Variants in TXNDC12 observed in about 807,000 individuals in gnomAD.
TXNDC12 encodes the protein thioredoxin domain containing 12, also known as thioredoxin domain-containing protein 12.
In TXNDC12, 22 loss-of-function variants were observed where a neutral mutation model predicts 24.2. That is an observed-to-expected ratio of 0.91 (90% confidence interval 0.65 to 1.30). The LOEUF (loss-of-function observed/expected upper bound fraction) is 1.30. Ranked by LOEUF, TXNDC12 falls within the 50% of genes most tolerant of loss-of-function variation. TXNDC12 has a pLI of 0.00. For synonymous variants in TXNDC12, 58 were observed against 73.4 expected (o/e 0.79, Z 1.07); for missense variants, 184 against 205.8 (o/e 0.89, Z 0.65).
At chr1:52,030,329 T>A (rs1685732664) in intron 2 of TXNDC12, 1 of 151,862 alleles carries the variant, frequency 6.6e-6, no homozygotes. Context: ...TAAAAAAAAA[T>A]AAAAACCCAA....
chr1:52,036,763 T>G (rs1456869251), intron 2 of TXNDC12, among the ~76,000 whole-genome samples: 2 of 152,222 alleles, frequency 1.3e-5, no homozygotes, highest in Non-Finnish European at 2.9e-5. Flanking sequence ...GTGTTTTTCC[T>G]CATCATCTGG....
chr1:52,020,968 C>T lies in TXNDC12; in HGVS notation c.484G>A (p.Ala162Thr). ...KEAQERLTGD[A>T]FRKKHLEDEL Reference sequence around the variant, plus strand: ...TCTTCAAGATGTTTCTTTCTGAAGGCATCACCCGTCAGCCTTTCCTGAGCT... The same window carrying T: ...TCTTCAAGATGTTTCTTTCTGAAGGTATCACCCGTCAGCCTTTCCTGAGCT... Residue 162 changes from alanine to threonine, a missense_variant, in exon 7 of 7, where the codon GCC becomes ACC. Physicochemically the swap from Ala to Thr is moderately conservative, Grantham distance 58 (BLOSUM62 0). Transcript: ENST00000371626. The T allele has an allele frequency of 6.2e-7, 1 of 1,614,108 alleles. No individual in the cohort carries two copies. Among genetic ancestry groups the T allele is most frequent in the Non-Finnish European group, 8.5e-7 (1 of 1,179,960 alleles).
intron 2 of TXNDC12, among the ~76,000 whole-genome samples, chr1:52,038,935 A>G (rs1437805093): frequency 1.8e-5 from 2 of 112,218 alleles, no homozygotes; most frequent in African/African-American, 6.9e-5. Context: ...ATTGGTCCTT[A>G]CGCTGGATTT....
intron 2 of TXNDC12, chr1:52,032,554 G>A (rs1201955715): frequency 7.1e-7 from 1 of 1,406,636 alleles, no homozygotes; most frequent in African/African-American, 1.4e-5. Context: ...ACAGGGGTAT[G>A]CAGGAAAGTT....
At chr1:52,026,638 G>A (rs1001133725) in intron 4 of TXNDC12, among the ~76,000 whole-genome samples, 1 of 152,168 alleles carries the variant, frequency 6.6e-6, no homozygotes, top group Non-Finnish European at 1.5e-5. Flanking sequence ...GCTGGCTCAC[G>A]CCTGTAATCC....
At chr1:52,033,376 TTCC>T in intron 2 of TXNDC12, 1 of 1,613,570 alleles carries the variant, frequency 6.2e-7, no homozygotes, top group African/African-American at 1.3e-5. Context: ...CACACTGACG[TTCC>T]GGCCAGGGTT....
intron 2 of TXNDC12, among the ~76,000 whole-genome samples, chr1:52,036,537 G>T (rs1335794125): frequency 6.6e-6 from 1 of 152,084 alleles, no homozygotes; most frequent in African/African-American, 2.4e-5. Context: ...GAACAGGCAG[G>T]CACACTTGGT....
chr1:52,033,037 G>A (rs775034676), intron 2 of TXNDC12: 3 of 1,576,486 alleles, frequency 1.9e-6, no homozygotes, highest in Non-Finnish European at 2.6e-6. Flanking sequence ...GCGGATCCCC[G>A]CCAGGGGCAA....
chr1:52,032,828 G>A, intron 2 of TXNDC12: 2 of 1,614,178 alleles, frequency 1.2e-6, no homozygotes, highest in Non-Finnish European at 1.7e-6. Context: ...ATGGTCAAGG[G>A]CCGGGTAAAC....
At chr1:52,025,057 C>T (rs941309390) in intron 4 of TXNDC12, among the ~76,000 whole-genome samples, 11 of 152,146 alleles carry the variant, frequency 7.2e-5, no homozygotes, top group Non-Finnish European at 1.5e-4. Flanking sequence ...GTTATTTCAA[C>T]GAGGAAATTT....
chr1:52,042,917 C>T (rs541499937), intron 1 of TXNDC12, among the ~76,000 whole-genome samples: 28 of 152,286 alleles, frequency 1.8e-4, no homozygotes, highest in African/African-American at 4.8e-4. Flanking sequence ...CCACTGTGCC[C>T]GGACTGTAAT....
chr1:52,032,976 G>A (rs764800535), intron 2 of TXNDC12: 11 of 1,578,922 alleles, frequency 7.0e-6, no homozygotes, highest in South Asian at 3.6e-5. Context: ...CGAGGGGCTG[G>A]GACTGCGTAG....
At chr1:52,039,983 G>A (rs765565744) in intron 2 of TXNDC12, among the ~76,000 whole-genome samples, 2 of 151,786 alleles carry the variant, frequency 1.3e-5, no homozygotes, top group Non-Finnish European at 2.9e-5. Context: ...CCAGGCTGGA[G>A]TACAGTGGTG....
chr1:52,024,010 A>G (rs1471475784), intron 5 of TXNDC12, among the ~76,000 whole-genome samples: 1 of 150,136 alleles, frequency 6.7e-6, no homozygotes, highest in Non-Finnish European at 1.5e-5. Flanking sequence ...TTTTTGAGAC[A>G]GGGTCATTCA....
At chr1:52,024,376 C>A (rs1685643853) in intron 5 of TXNDC12, 134 bp downstream of exon 5, 1 of 681,254 alleles carries the variant, frequency 1.5e-6, no homozygotes, top group Admixed American at 2.5e-5. Context: ...CAGAACTCCC[C>A]CACTCTCTCT....
chr1:52,055,253 G>C (rs1405904241), upstream of TXNDC12: 6 of 611,676 alleles, frequency 9.8e-6, no homozygotes, highest in Non-Finnish European at 1.8e-5. Flanking sequence ...GACGGATGTG[G>C]GTGGTGCCTC....
In TXNDC12 at chr1:52,041,609, G is replaced by C; in HGVS notation, c.98-12C>G. ...ATGATCTCCAAAACCTGGAAGGAAA[G>C]AACTTTATAAGCATTCACATAATGA... On this transcript the variant is annotated splice_polypyrimidine_tract_variant and intron_variant, in intron 1 of 6. Transcript: ENST00000371626. 6.3e-7 allele frequency: 1 copy of C among 1,598,598 alleles called. No individual in the cohort carries two copies. Among genetic ancestry groups the C allele is most frequent in the Non-Finnish European group, 8.6e-7 (1 of 1,168,274 alleles).
intron 1 of TXNDC12, 44 bp from the exon 2 acceptor site, chr1:52,041,641 GGC>G: frequency 7.5e-7 from 1 of 1,341,240 alleles, no homozygotes; most frequent in Non-Finnish European, 1.1e-6. Flanking sequence ...ATGAACAAAG[GGC>G]ACAGTCCCAA....
intron 2 of TXNDC12, chr1:52,032,615 T>G (rs1329598828): frequency 6.6e-7 from 1 of 1,519,134 alleles, no homozygotes; most frequent in Non-Finnish European, 8.8e-7. Context: ...CGATATGCTC[T>G]GGAGACCTGC....
Sources: allele counts gnomAD v4.1 joint callset (sites outside exome capture counted in the v4.1 genomes callset), GRCh38; gene constraint gnomAD v4.1.1; transcripts MANE v1.5; gene names NCBI Gene and HGNC (gene_info 2026-07-23, HGNC 2026-07-21).